TSGA10: variants seen among roughly 807,000 people sequenced by gnomAD.
TSGA10 encodes testis-specific gene 10 protein.
A neutral mutation model predicts 96.6 loss-of-function variants in TSGA10; 43 were observed. The ratio of observed to expected loss-of-function variants is 0.44; its 90% CI spans 0.35 to 0.57. The LOEUF (loss-of-function observed/expected upper bound fraction) is 0.57. Among genes scored for constraint, TSGA10 ranks in the 20% least tolerant of loss-of-function variants. TSGA10 has a pLI of 0.01. For missense variants in TSGA10, 703 were observed against 834.4 expected, an observed-to-expected ratio of 0.84 and a Z score of 1.94; for synonymous variants, 229 against 269.9, an observed-to-expected ratio of 0.85 and a Z score of 1.48.
chr2:99,093,546 GAA>G (rs35398273), intron 10 of TSGA10, among the ~76,000 whole-genome samples: 83,780 of 151,584 alleles, frequency 0.55, 23,784 homozygotes, highest in Middle Eastern at 0.71. Context: ...AATGAATTCA[GAA>G]AAGTTTCAGG....
intron 16 of TSGA10, among the ~76,000 whole-genome samples, chr2:99,055,138 C>T (rs1301312843): frequency 6.6e-6 from 1 of 152,116 alleles, no homozygotes; most frequent in Non-Finnish European, 1.5e-5. Context: ...GGATAGCAAA[C>T]TTGTGGTATA....
In TSGA10 at chr2:99,144,023, T is replaced by TG. The variant is rs530046390; in HGVS notation, c.-621+10669_-621+10670insC. Among the ~76,000 whole-genome samples, 402 of 150,806 alleles carry TG rather than the reference T, an allele frequency of 2.7e-3. 2 individuals are homozygous for TG. The highest frequency in any genetic ancestry group is 3.5e-3 in the Non-Finnish European group (240 of 67,722). ...AGCTCACTGATGCTGTGTTCCTTTT[T>TG]TTTGTTTGTTTTTTTGAGATGGAGT... On this transcript the variant is annotated intron_variant, in intron 1 of 20. Transcript: ENST00000393483.
intron 20 of TSGA10, among the ~76,000 whole-genome samples, chr2:99,010,261 T>C (rs1451677286): frequency 6.6e-6 from 1 of 152,190 alleles, no homozygotes; most frequent in Non-Finnish European, 1.5e-5. Context: ...AGCTCCCACA[T>C]GGAAGGACAG....
intron 1 of TSGA10, chr2:99,141,196 A>G (rs2093535393): frequency 6.8e-6 from 8 of 1,173,674 alleles, no homozygotes; most frequent in Non-Finnish European, 8.7e-6. Flanking sequence ...CCCACTCTCC[A>G]TCCTCCGCCC....
At chr2:99,108,479 A>G (rs1474302669) in intron 7 of TSGA10, among the ~76,000 whole-genome samples, 2 of 152,104 alleles carry the variant, frequency 1.3e-5, no homozygotes, top group Admixed American at 6.5e-5. Context: ...TCCTAAAGTG[A>G]TGTGATAAGG....
Position 98,998,168 on chromosome 2 carries a change from C to A in TSGA10, c.*29G>T. 6.3e-7 allele frequency: 1 copy of A among 1,586,660 alleles called. No homozygotes were observed. The highest frequency in any genetic ancestry group is 1.2e-5 in the South Asian group (1 of 84,418). On this transcript the variant is annotated 3_prime_UTR_variant, in exon 21 of 21. Coordinates refer to ENST00000393483, the MANE Select transcript of TSGA10 (RefSeq NM_025244.4). The stretch of plus-strand genomic sequence containing the variant: ...AAATCAGTTTGTAACTTTGACCTTT[C>A]TCAGGGATGTGAAGAATCATTTCAG...
In TSGA10 at chr2:99,018,451, A is replaced by G. The variant is rs2079725477; in HGVS notation, c.1922+85T>C. ...TACTTGAAAATCTAACCATCATGAAAGAACTAAAACCTCTTGTTACCTAAG... is the reference window on the plus strand; with the variant it reads ...TACTTGAAAATCTAACCATCATGAAGGAACTAAAACCTCTTGTTACCTAAG... On this transcript the variant is annotated intron_variant, in intron 19 of 20. Coordinates refer to ENST00000393483, the MANE Select transcript of TSGA10 (RefSeq NM_025244.4). The G allele has an allele frequency of 3.2e-6, 5 of 1,567,056 alleles. No homozygotes were observed. In the South Asian group the frequency reaches 4.7e-5, roughly 15 times the overall value.
intron 12 of TSGA10, among the ~76,000 whole-genome samples, chr2:99,078,369 C>T (rs550818141): frequency 6.6e-6 from 1 of 150,556 alleles, no homozygotes; most frequent in East Asian, 2.0e-4. Context: ...AGTCTCACTA[C>T]TTTATTGTCA....
intron 10 of TSGA10, among the ~76,000 whole-genome samples, chr2:99,086,117 C>CATAACAAACCT (rs1558967441): frequency 0.012 from 1,828 of 152,240 alleles, 39 homozygotes; most frequent in African/African-American, 0.042. Flanking sequence ...AACAAACACC[C>CATAACAAACCT]ATGACAGGGG....
In TSGA10 at chr2:99,069,016, G is replaced by T; in HGVS notation, c.1108-18C>A. On this transcript the variant is annotated intron_variant, in intron 14 of 20. Transcript: ENST00000393483. ...GACAGTGCCTACGAAAAAAAGATAG[G>T]TATATTTGACTATGAAAAATAAAAA... 1 of 1,326,682 alleles carries T rather than the reference G, an allele frequency of 7.5e-7. No individual in the cohort carries two copies. Among genetic ancestry groups the T allele is most frequent in the Non-Finnish European group, 1.0e-6 (1 of 996,854 alleles). 82.2% of individuals were successfully genotyped at this position (1,326,682 alleles called of 1,614,324 possible).
intron 16 of TSGA10, among the ~76,000 whole-genome samples, chr2:99,048,597 C>T (rs1013604433): frequency 3.5e-4 from 53 of 152,150 alleles, no homozygotes; most frequent in African/African-American, 1.3e-3. Flanking sequence ...GGATTAAAGA[C>T]TTAAACGTAA....
rs753209103 is a variant in TSGA10, at chr2:99,071,756, C to G, written c.1057G>C (p.Asp353His). The change falls in exon 14 of 21, where the codon GAC (aspartate) becomes CAC (histidine). Residue 353 changes from aspartate to histidine, a missense_variant. By Grantham distance (81) the Asp-to-His change is moderately conservative (BLOSUM62 -1). Coordinates refer to ENST00000393483, the MANE Select transcript of TSGA10 (RefSeq NM_025244.4). ...AACTGTTCCTGGAGATTGTCATTGT[C>G]ATGAGCCAAGATATCTCTTTCCCTG... is the stretch of plus-strand genomic sequence containing the variant. ...IARERDILAH[D>H]NDNLQEQFAK... 3 of 1,613,926 alleles carry G rather than the reference C, an allele frequency of 1.9e-6. No individual in the cohort carries two copies. In the Admixed American group the frequency reaches 5.0e-5, roughly 27 times the overall value.
At chr2:99,005,270 T>A (rs960355325) in intron 20 of TSGA10, among the ~76,000 whole-genome samples, 1 of 152,172 alleles carries the variant, frequency 6.6e-6, no homozygotes, top group East Asian at 1.9e-4. Flanking sequence ...TTATTCAACA[T>A]TCTGTTGGAA....
intron 12 of TSGA10, among the ~76,000 whole-genome samples, chr2:99,077,241 G>A (rs1374715955): frequency 1.4e-5 from 2 of 144,518 alleles, no homozygotes; most frequent in Non-Finnish European, 3.0e-5. Context: ...CCCAGGCTCA[G>A]GTGATACTCC....
chr2:99,055,453 G>A (rs1172957676), intron 16 of TSGA10, among the ~76,000 whole-genome samples: 2 of 151,830 alleles, frequency 1.3e-5, no homozygotes, highest in Non-Finnish European at 1.5e-5. Flanking sequence ...ATTACTAAGA[G>A]GGTAGATCTT....
intron 12 of TSGA10, among the ~76,000 whole-genome samples, chr2:99,075,120 C>G (rs1265970441): frequency 6.6e-6 from 1 of 152,154 alleles, no homozygotes; most frequent in Non-Finnish European, 1.5e-5. Context: ...AACATATACT[C>G]TTAGCCTATT....
intron 16 of TSGA10, among the ~76,000 whole-genome samples, chr2:99,061,777 T>C (rs916617942): frequency 9.2e-5 from 14 of 152,194 alleles, no homozygotes; most frequent in African/African-American, 3.1e-4. Flanking sequence ...ATTCATACGT[T>C]GAACCCTAAC....
At chr2:99,056,266 G>A (rs2083980951) in intron 16 of TSGA10, among the ~76,000 whole-genome samples, 1 of 151,700 alleles carries the variant, frequency 6.6e-6, no homozygotes, top group East Asian at 1.9e-4. Context: ...TTTCTGAAAA[G>A]ATCAACTAAA....
intron 17 of TSGA10, among the ~76,000 whole-genome samples, chr2:99,028,010 G>A (rs1558769802): frequency 6.6e-6 from 1 of 152,098 alleles, no homozygotes; most frequent in South Asian, 2.1e-4. Flanking sequence ...TATAGCCTCC[G>A]ATGTTGCTCC....
Sources: allele counts gnomAD v4.1 joint callset (sites outside exome capture counted in the v4.1 genomes callset), GRCh38; gene constraint gnomAD v4.1.1; transcripts MANE v1.5; gene names NCBI Gene and HGNC (gene_info 2026-07-23, HGNC 2026-07-21).